KIF3A: variants seen among roughly 807,000 people sequenced by gnomAD.
KIF3A encodes the protein kinesin family member 3A, also known as kinesin-like protein KIF3A.
In KIF3A, 27 loss-of-function variants were observed where a neutral mutation model predicts 92.6. The observed-to-expected ratio is 0.29, with a 90% CI of 0.21 to 0.40. The LOEUF is 0.40. Among genes scored for constraint, KIF3A ranks in the 10% least tolerant of loss-of-function variants. The pLI is 1.00. For synonymous variants in KIF3A, 250 were observed against 275.4 expected (o/e 0.91, Z 0.92); for missense variants, 581 against 872.6 (o/e 0.67, Z 4.21).
Position 132,715,811 on chromosome 5 carries a change from A to C in KIF3A, c.1075T>G (p.Leu359Val). Residue 359 changes from leucine (L) to valine (V), a missense_variant, in exon 8 of 19, where the codon TTG becomes GTG. Coordinates refer to ENST00000403231, the MANE Select transcript of KIF3A (RefSeq NM_001300791.2). ...ARINEDPKDA[L>V]LRQFQKEIEE... The stretch of plus-strand genomic sequence containing the variant: ...ATTTCTTTCTGGAACTGACGCAGCA[A>C]AGCATCCTTTGGATCTTCATTAATT... The C allele has an allele frequency of 6.2e-7, 1 of 1,612,722 alleles. No homozygotes were observed. Among genetic ancestry groups the C allele is most frequent in the Non-Finnish European group, 8.5e-7 (1 of 1,179,516 alleles).
chr5:132,726,197 C>A lies in KIF3A; in HGVS notation c.441G>T (p.Val147=), dbSNP rs951812833. ...CTTCATTATATATTTCCAAATAAGA[C>A]ACTCGAACCAAAAATCTATAAAACA... is the stretch of plus-strand genomic sequence containing the variant. ...AEGDTRFLVR[V]SYLEIYNEEV... Residue 147 remains valine, a synonymous_variant, in exon 4 of 19, where the codon GTG becomes GTT. Transcript: ENST00000403231. 1.2e-6 allele frequency: 2 copies of A among 1,609,976 alleles called. No individual in the cohort carries two copies. Among genetic ancestry groups the A allele is most frequent in the Admixed American group, 3.4e-5 (2 of 59,414 alleles).
At chr5:132,719,013 T>C (rs1753735861) in intron 5 of KIF3A, among the ~76,000 whole-genome samples, 1 of 152,166 alleles carries the variant, frequency 6.6e-6, no homozygotes, top group South Asian at 2.1e-4. Flanking sequence ...TTGAAGGTTA[T>C]TTAGATTGTT....
At chr5:132,707,438 T>G (rs1753253522) in intron 10 of KIF3A, among the ~76,000 whole-genome samples, 1 of 152,192 alleles carries the variant, frequency 6.6e-6, no homozygotes, top group Admixed American at 6.5e-5. Flanking sequence ...CTTCTTGAAT[T>G]GAACAAAGTA....
chr5:132,700,158 C>T (rs1474633521), intron 17 of KIF3A, 58 bp downstream of exon 17: 2 of 934,318 alleles, frequency 2.1e-6, no homozygotes, highest in Non-Finnish European at 3.3e-6. Context: ...ACTCATATTC[C>T]TATAAAGAAA....
chr5:132,718,792 G>A (rs557729127), intron 5 of KIF3A, among the ~76,000 whole-genome samples: 1 of 152,114 alleles, frequency 6.6e-6, no homozygotes, highest in East Asian at 1.9e-4. Flanking sequence ...ACGTCTGGCT[G>A]ATTTTTTTGT....
chr5:132,719,617 G>C (rs182112259), intron 5 of KIF3A, among the ~76,000 whole-genome samples: 1 of 151,422 alleles, frequency 6.6e-6, no homozygotes, highest in Non-Finnish European at 1.5e-5. Flanking sequence ...ACAGCCTCCC[G>C]AGTAACTGGG....
chr5:132,737,543 T>C lies in KIF3A; in HGVS notation c.-124A>G, dbSNP rs1754448872. The C allele has an allele frequency of 6.8e-6, 8 of 1,181,038 alleles. No homozygotes were observed. The East Asian group carries it at 2.4e-4, about 36-fold the overall frequency. The allele number at this position is 1,181,038 out of a possible 1,614,324, so 73.2% of individuals were successfully genotyped here. A position where few individuals can be genotyped will look rare whatever the true frequency, so the allele number is the denominator to read the frequency against. ...CGTTGACGCTCTCGAGACTGCGGCT[T>C]CTCGGGCGAGAGCGCCCAGTGCGCA... On this transcript the variant is annotated 5_prime_UTR_variant, in exon 1 of 19. Coordinates refer to ENST00000403231, the MANE Select transcript of KIF3A (RefSeq NM_001300791.2).
In KIF3A at chr5:132,716,279, T is replaced by C; in HGVS notation, c.920A>G (p.Gln307Arg). The C allele has an allele frequency of 6.2e-7, 1 of 1,614,060 alleles. No homozygotes were observed. Among genetic ancestry groups the C allele is most frequent in the Non-Finnish European group, 8.5e-7 (1 of 1,179,924 alleles). The change falls in exon 7 of 19, where the codon CAG (glutamine) becomes CGG (arginine). Residue 307 changes from glutamine to arginine, a missense_variant. Physicochemically the swap from Gln to Arg is conservative, Grantham distance 43 (BLOSUM62 1). This residue lies in a region of KIF3A where 40 missense variants were observed against 107.0 expected (regional missense o/e 0.37). Transcript: ENST00000403231. ...TTTTGAATTTCCTCCTAAGGAATCC[T>C]GAAGAAGACGAGTCAGTTTAGAGTT... ...YRNSKLTRLL[Q>R]DSLGGNSKTM...
chr5:132,721,547 T>G (rs985503826), intron 4 of KIF3A: 2 of 152,130 alleles, frequency 1.3e-5, no homozygotes, highest in Non-Finnish European at 2.9e-5. Context: ...TGATAAACAA[T>G]TCCAGGGGAA....
chr5:132,718,394 C>T (rs1042480181), intron 5 of KIF3A, among the ~76,000 whole-genome samples: 4 of 152,150 alleles, frequency 2.6e-5, no homozygotes, highest in African/African-American at 9.7e-5. Flanking sequence ...ACTGCAACCT[C>T]CACCTCCCAG....
rs1374042742 is a variant in KIF3A at position 132,724,843 on chromosome 5, ATATATATATATATT to A, written c.510+1271_510+1284del. Among the ~76,000 whole-genome samples, 48 of 29,496 alleles carry A rather than the reference ATATATATATATATT, an allele frequency of 1.6e-3. 4 individuals carry two copies. The South Asian group carries it at 0.018, about 11-fold the overall frequency. 19.4% of individuals were successfully genotyped at this position (29,496 alleles called of 152,430 possible). On this transcript the variant is annotated intron_variant, in intron 4 of 18. Transcript: ENST00000403231. ...TATATATATATATATATATATATAT[ATATATATATATATT>A]AAAAAATCATTCTAAGAAAGGGATT... is the stretch of plus-strand genomic sequence containing the variant.
In KIF3A at chr5:132,695,453, T is replaced by C. The variant is rs2149889114; in HGVS notation, c.*1181A>G. The C allele has an allele frequency of 6.6e-6, 1 of 152,390 alleles. No homozygotes were observed. Among genetic ancestry groups the C allele is most frequent in the Non-Finnish European group, 1.5e-5 (1 of 68,034 alleles). The allele number at this position is 152,390 out of a possible 1,614,324, so 9.4% of individuals were successfully genotyped here. On this transcript the variant is annotated 3_prime_UTR_variant, in exon 19 of 19. Transcript: ENST00000403231. ...TCCCAAAGTGCTGGGATTACAGGCG[T>C]GAGCCACCATGCCCGGCCAGGAGTA...
chr5:132,717,082 A>G, intron 5 of KIF3A, 98 bp from the exon 6 acceptor site: 1 of 1,199,712 alleles, frequency 8.3e-7, no homozygotes, highest in South Asian at 1.5e-5. Context: ...ATTTTATCAC[A>G]ATCAAAAGCC....
chr5:132,724,986 A>T (rs181320296), intron 4 of KIF3A, among the ~76,000 whole-genome samples: 2 of 149,802 alleles, frequency 1.3e-5, no homozygotes, highest in African/African-American at 2.4e-5. Flanking sequence ...TAACAACAAT[A>T]AAAAAAACTT....
intron 1 of KIF3A, among the ~76,000 whole-genome samples, 163 bp from the exon 2 acceptor site, chr5:132,734,641 C>G (rs7732667): frequency 0.33 from 49,533 of 152,060 alleles, 11,156 homozygotes; most frequent in East Asian, 0.75. Context: ...TTACATATAG[C>G]TGAAAAGTTT....
At chr5:132,689,803 C>G (rs553191835), downstream of KIF3A, 1 of 152,182 alleles carries the variant, frequency 6.6e-6, no homozygotes, top group Admixed American at 6.5e-5. Context: ...CCAGGGCAGG[C>G]CTTTAATTTT....
chr5:132,721,736 A>G (rs1408085790), intron 4 of KIF3A, among the ~76,000 whole-genome samples: 1 of 151,358 alleles, frequency 6.6e-6, no homozygotes, highest in Non-Finnish European at 1.5e-5. Context: ...AAAAAGTATG[A>G]TGATCTCTAT....
chr5:132,706,548 G>T, intron 10 of KIF3A, 89 bp from the exon 11 acceptor site: 1 of 1,069,580 alleles, frequency 9.3e-7, no homozygotes, highest in South Asian at 1.6e-5. Flanking sequence ...TATTTCTCTT[G>T]TGAAACAAAG....
At chr5:132,716,187 G>C in intron 7 of KIF3A, 58 bp downstream of exon 7, 1 of 1,340,788 alleles carries the variant, frequency 7.5e-7, no homozygotes, top group Non-Finnish European at 1.1e-6. Flanking sequence ...TCAATTATTG[G>C]CATAAATTAC....
Sources: gnomAD v4.1 joint callset for allele counts (sites outside exome capture counted in the v4.1 genomes callset) on GRCh38, gnomAD v4.1.1 for gene constraint, gnomAD v4.1.1 regional missense constraint, MANE v1.5 for transcripts, NCBI Gene and HGNC (gene_info 2026-07-23, HGNC 2026-07-21) for gene names.